The following MAL2 variants were observed in gnomAD, a reference collection of about 807,000 sequenced individuals.
MAL2 encodes the protein mal, T cell differentiation protein 2.
A neutral mutation model predicts 18.1 loss-of-function variants in MAL2; 17 were observed. That is an observed-to-expected ratio of 0.94 (90% CI 0.64 to 1.41). The LOEUF (loss-of-function observed/expected upper bound fraction) is 1.41. MAL2 is among the 40% of genes most tolerant of loss of function. The pLI is 0.00. For synonymous variants in MAL2, 102 were observed against 102.3 expected, an observed-to-expected ratio of 1.00 and a Z score of 0.02; for missense variants, 222 against 231.9, an observed-to-expected ratio of 0.96 and a Z score of 0.28.
intron 2 of MAL2, among the ~76,000 whole-genome samples, chr8:119,234,754 T>C (rs1817837585): frequency 6.6e-6 from 1 of 151,692 alleles, no homozygotes; most frequent in Admixed American, 6.5e-5. Flanking sequence ...GGGTCCTGTC[T>C]GTTAGAAGGA....
At chr8:119,237,209 A>G (rs1817925811) in intron 2 of MAL2, among the ~76,000 whole-genome samples, 1 of 150,746 alleles carries the variant, frequency 6.6e-6, no homozygotes. Flanking sequence ...ACATTCCTCG[A>G]CACATACACT....
intron 2 of MAL2, among the ~76,000 whole-genome samples, chr8:119,229,331 G>C (rs1422008488): frequency 1.6e-5 from 1 of 63,142 alleles, no homozygotes. Flanking sequence ...TTTTTTTTTT[G>C]AGACAGAGTC....
At chr8:119,230,768 A>G (rs1817703809) in intron 2 of MAL2, among the ~76,000 whole-genome samples, 1 of 152,206 alleles carries the variant, frequency 6.6e-6, no homozygotes, top group Non-Finnish European at 1.5e-5. Flanking sequence ...GCATCATTTC[A>G]TTTAGCCATT....
At chr8:119,233,661 C>A (rs1332184284) in intron 2 of MAL2, among the ~76,000 whole-genome samples, 6 of 152,192 alleles carry the variant, frequency 3.9e-5, no homozygotes, top group South Asian at 2.1e-4. Context: ...CAATAACAGG[C>A]TCTGAAATTG....
At chr8:119,217,603 G>T (rs1299800134) in intron 1 of MAL2, among the ~76,000 whole-genome samples, 2 of 152,178 alleles carry the variant, frequency 1.3e-5, no homozygotes, top group African/African-American at 4.8e-5. Flanking sequence ...GCAGTGGAAG[G>T]CAGTGGCAGG....
intron 2 of MAL2, among the ~76,000 whole-genome samples, chr8:119,222,167 T>TA: frequency 6.6e-6 from 1 of 152,248 alleles, no homozygotes; most frequent in South Asian, 2.1e-4. Flanking sequence ...AACAAATACT[T>TA]AGAAAAGGGC....
At chr8:119,236,861 C>A (rs1817911422) in intron 2 of MAL2, among the ~76,000 whole-genome samples, 1 of 149,940 alleles carries the variant, frequency 6.7e-6, no homozygotes, top group Non-Finnish European at 1.5e-5. Context: ...AAATTGACAC[C>A]CTAACATCAC....
intron 1 of MAL2, among the ~76,000 whole-genome samples, chr8:119,218,629 T>G (rs1817404036): frequency 6.6e-6 from 1 of 152,176 alleles, no homozygotes; most frequent in African/African-American, 2.4e-5. Context: ...GAACCTTGCC[T>G]TTTTTGTTTT....
chr8:119,243,553 T>G lies in MAL2; in HGVS notation c.*65T>G. The G allele has an allele frequency of 7.1e-7, 1 of 1,404,952 alleles. No homozygotes were observed. The allele number at this position is 1,404,952 out of a possible 1,614,324, so 87.0% of individuals were successfully genotyped here. ...GTCTACTTTATATGTCTGATCAATT[T>G]GGATACCATTTTGTCCAGATGCAAA... On this transcript the variant is annotated 3_prime_UTR_variant, in exon 4 of 4. Transcript: ENST00000614891.
chr8:119,213,881 C>T (rs1817303750), intron 1 of MAL2, among the ~76,000 whole-genome samples: 1 of 151,942 alleles, frequency 6.6e-6, no homozygotes, highest in East Asian at 1.9e-4. Context: ...AAACCAATGC[C>T]CCTGCCAGAG....
chr8:119,212,254 C>T (rs994815501), intron 1 of MAL2, among the ~76,000 whole-genome samples: 2 of 152,114 alleles, frequency 1.3e-5, no homozygotes, highest in African/African-American at 4.8e-5. Flanking sequence ...GTATTAATCA[C>T]GAAAAAGAAT....
chr8:119,221,081 A>G (rs1321715901), intron 1 of MAL2: 1 of 155,588 alleles, frequency 6.4e-6, no homozygotes, highest in Non-Finnish European at 1.4e-5. Context: ...TTACCGCCAT[A>G]TACAACAGCT....
rs923667597 is a variant in MAL2, at chr8:119,232,313, T to A, written c.304-7852T>A. Among the ~76,000 whole-genome samples, 7 of 152,148 alleles carry A rather than the reference T, an allele frequency of 4.6e-5. No homozygotes were observed. The East Asian group carries it at 1.2e-3, about 25-fold the overall frequency. ...CTTCCTCCAAAAGTTAATATTTGTC[T>A]GGCTTCAAACAGTCAACAGTCATTT... is the stretch of plus-strand genomic sequence containing the variant. On this transcript the variant is annotated intron_variant, in intron 2 of 3. Coordinates refer to ENST00000614891, the MANE Select transcript of MAL2 (RefSeq NM_052886.3).
chr8:119,234,118 G>A (rs1446666612), intron 2 of MAL2, among the ~76,000 whole-genome samples: 6 of 152,238 alleles, frequency 3.9e-5, no homozygotes, highest in African/African-American at 7.2e-5. Context: ...TGCGCGAGCC[G>A]AAGCAGGGCG....
At position 119,221,723 on chromosome 8, in the gene MAL2, T is replaced by C; in HGVS notation, c.269T>C (p.Met90Thr). Residue 90 changes from methionine to threonine, a missense_variant, in exon 2 of 4, where the codon ATG (methionine) becomes ACG (threonine). Physicochemically the swap from Met to Thr is moderately conservative, Grantham distance 81. Coordinates refer to ENST00000614891, the MANE Select transcript of MAL2 (RefSeq NM_052886.3). ...LLFLGMFLSG[M>T]VAQIDANWNF... The stretch of plus-strand genomic sequence containing the variant: ...TTTCTGGGCATGTTCCTCTCTGGCA[T>C]GGTGGCTCAAATTGATGCTAACTGG... The C allele has an allele frequency of 2.5e-6, 4 of 1,613,932 alleles. No homozygotes were observed. Among genetic ancestry groups the C allele is most frequent in the Non-Finnish European group, 2.5e-6 (3 of 1,179,844 alleles).
At chr8:119,238,626 T>C (rs1050732090) in intron 2 of MAL2, among the ~76,000 whole-genome samples, 2 of 148,946 alleles carry the variant, frequency 1.3e-5, no homozygotes, top group East Asian at 2.0e-4. Flanking sequence ...ACGCCACATA[T>C]CTACAACTAT....
intron 1 of MAL2, among the ~76,000 whole-genome samples, chr8:119,219,588 T>A (rs1013256809): frequency 1.3e-5 from 2 of 150,608 alleles, no homozygotes; most frequent in African/African-American, 4.9e-5. Flanking sequence ...AGAGAGAGAT[T>A]GATTCTCACT....
intron 2 of MAL2, among the ~76,000 whole-genome samples, chr8:119,237,197 A>G: frequency 6.6e-6 from 1 of 151,034 alleles, no homozygotes; most frequent in Admixed American, 6.6e-5. Flanking sequence ...GAAGAAATGG[A>G]TACATTCCTC....
intron 1 of MAL2, chr8:119,215,584 A>G (rs1028603473): frequency 6.6e-6 from 1 of 152,210 alleles, no homozygotes; most frequent in Non-Finnish European, 1.5e-5. Context: ...CGCGTCAGTA[A>G]CCGTGGAAGC....
Sources: gnomAD v4.1 joint callset for allele counts (sites outside exome capture counted in the v4.1 genomes callset) on GRCh38, gnomAD v4.1.1 for gene constraint, MANE v1.5 for transcripts, NCBI Gene and HGNC (gene_info 2026-07-23, HGNC 2026-07-21) for gene names.